Variants in PMS1 observed in about 807,000 individuals in gnomAD.
The protein encoded by PMS1 is PMS1 protein homolog 1.
In PMS1, 79 loss-of-function variants were observed where a neutral mutation model predicts 93.1. That is an observed-to-expected ratio of 0.85 (90% confidence interval 0.71 to 1.02). The LOEUF (loss-of-function observed/expected upper bound fraction) is 1.02, where lower values mean the gene tolerates loss of function less well. Among genes scored for constraint, PMS1 ranks in the 50% least tolerant of loss-of-function variants. The pLI, the probability that PMS1 is intolerant of heterozygous loss-of-function variation, is 0.00. For synonymous variants in PMS1, 335 were observed against 363.4 expected, an observed-to-expected ratio of 0.92 and a Z score of 0.89; for missense variants, 1,064 against 1,085.3, an observed-to-expected ratio of 0.98 and a Z score of 0.28.
At chr2:189,787,784 T>C (rs746314062) in intron 1 of PMS1, among the ~76,000 whole-genome samples, 28 of 152,206 alleles carry the variant, frequency 1.8e-4, no homozygotes, top group Non-Finnish European at 3.7e-4. Flanking sequence ...AATTAAACTT[T>C]CTAAAACTCA....
rs1057463507 is a variant in PMS1 at position 189,791,945 on chromosome 2, A to C, written c.132+4A>C. ...CACAAGCGTAGATGTTAAACTGGTG[A>C]GTGTCCTTGAGAACCCAAATACCTT... On this transcript the variant is annotated splice_donor_region_variant and intron_variant, in intron 2 of 12. Transcript: ENST00000441310. The C allele has an allele frequency of 1.7e-5, 27 of 1,613,684 alleles. No homozygotes were observed. Among genetic ancestry groups the C allele is most frequent in the Non-Finnish European group, 2.3e-5 (27 of 1,179,622 alleles).
intron 3 of PMS1, among the ~76,000 whole-genome samples, chr2:189,797,884 C>T (rs1025810658): frequency 6.6e-6 from 1 of 152,150 alleles, no homozygotes; most frequent in Non-Finnish European, 1.5e-5. Flanking sequence ...GGCTAGGATT[C>T]CAGCTCAGTA....
At chr2:189,844,215 G>C in intron 6 of PMS1, 135 bp downstream of exon 6, 1 of 1,418,206 alleles carries the variant, frequency 7.1e-7, no homozygotes, top group Non-Finnish European at 9.5e-7. Flanking sequence ...AGGTAAAACA[G>C]TCAATACAGA....
intron 4 of PMS1, chr2:189,806,034 TTACCAGTGTCATCTTCA>T: frequency 1.1e-6 from 1 of 902,846 alleles, no homozygotes; most frequent in Non-Finnish European, 1.6e-6. Flanking sequence ...CAGTGCTGGA[TTACCAGTGTCATCTTCA>T]TATATGAAGA....
At chr2:189,867,355 A>C (rs1369005562) in intron 10 of PMS1, among the ~76,000 whole-genome samples, 2 of 152,208 alleles carry the variant, frequency 1.3e-5, no homozygotes, top group Admixed American at 6.5e-5. Context: ...CCCAAGCTCT[A>C]AATTGATTAA....
At chr2:189,859,626 T>C (rs1340854428) in intron 9 of PMS1, among the ~76,000 whole-genome samples, 2 of 152,198 alleles carry the variant, frequency 1.3e-5, no homozygotes, top group African/African-American at 4.8e-5. Context: ...GTTTCATTTT[T>C]CTCATATTGT....
At position 189,864,245 on chromosome 2, in the gene PMS1, C is replaced by CTT. The variant is rs2056339642; in HGVS notation, c.2342+21_2342+22dup. On this transcript the variant is annotated intron_variant, in intron 10 of 12. Transcript: ENST00000441310. ...AACAGAGAGGTATGATGATACAATA[C>CTT]TTTTTAAGAGTAAAAATATTTATTA... 7.8e-6 allele frequency: 12 copies of CTT among 1,529,666 alleles called. No homozygotes were observed. The highest frequency in any genetic ancestry group is 1.7e-5 in the Admixed American group (1 of 59,738). The allele number at this position is 1,529,666 out of a possible 1,614,324, so 94.8% of individuals were successfully genotyped here.
At chr2:189,792,152 C>T (rs147651707) in intron 2 of PMS1, among the ~76,000 whole-genome samples, 19 of 152,072 alleles carry the variant, frequency 1.2e-4, no homozygotes, top group Middle Eastern at 3.4e-3. Flanking sequence ...TAAAAGAAAA[C>T]ATGTTCTTTA....
Position 189,864,264 on chromosome 2 carries a change from T to C in PMS1, c.2342+36T>C, listed in dbSNP as rs765811617. 5.8e-6 allele frequency: 8 copies of C among 1,370,592 alleles called. 1 individual carries two copies. The South Asian group carries it at 9.4e-5, about 16-fold the overall frequency. 84.9% of individuals were successfully genotyped at this position (1,370,592 alleles called of 1,614,324 possible). A position where few individuals can be genotyped will look rare whatever the true frequency, so the allele number is the denominator to read the frequency against. On this transcript the variant is annotated intron_variant, in intron 10 of 12. Transcript: ENST00000441310. ...ACAATACTTTTTAAGAGTAAAAATA[T>C]TTATTATAATAGTTCATACTAGATT...
chr2:189,841,645 T>C (rs2053829276), intron 5 of PMS1, among the ~76,000 whole-genome samples: 1 of 151,978 alleles, frequency 6.6e-6, no homozygotes, highest in Non-Finnish European at 1.5e-5. Flanking sequence ...TTCCTGGTTA[T>C]GGTTAAGGAG....
chr2:189,854,011 A>G lies in PMS1; in HGVS notation c.895A>G (p.Ile299Val), dbSNP rs752879186. Residue 299 changes from isoleucine to valine, a missense_variant, in exon 8 of 13, where the codon ATC becomes GTC. By Grantham distance (29) the Ile-to-Val change is conservative. Transcript: ENST00000441310. ...TTTGTATCCTGTTTTCTTTCTGAAA[A>G]TCGATGTTCCTACAGCTGATGTTGA... ...TRLYPVFFLK[I>V]DVPTADVDVN... 41 of 1,608,792 alleles carry G rather than the reference A, an allele frequency of 2.5e-5. No homozygotes were observed. The Admixed American group carries it at 6.7e-4, about 26-fold the overall frequency.
chr2:189,833,204 G>T (rs1413209964), intron 5 of PMS1, among the ~76,000 whole-genome samples: 1 of 152,166 alleles, frequency 6.6e-6, no homozygotes, highest in Non-Finnish European at 1.5e-5. Context: ...TCTCGTAGTT[G>T]CAGTGACCTA....
At chr2:189,845,555 A>G (rs772345070) in intron 6 of PMS1, among the ~76,000 whole-genome samples, 1 of 151,988 alleles carries the variant, frequency 6.6e-6, no homozygotes, top group Non-Finnish European at 1.5e-5. Context: ...TTGGTAATCC[A>G]GTTCATTACG....
At chr2:189,815,096 C>CAAAA (rs529543530) in intron 4 of PMS1, among the ~76,000 whole-genome samples, 1 of 61,576 alleles carries the variant, frequency 1.6e-5, no homozygotes, top group Non-Finnish European at 3.4e-5. Flanking sequence ...GACTCCATCT[C>CAAAA]AAAAAAAAAA....
chr2:189,852,791 G>GAAA lies in PMS1; in HGVS notation c.822+22_822+24dup. On this transcript the variant is annotated intron_variant, in intron 7 of 12. Transcript: ENST00000441310. Reference sequence around the variant, plus strand: ...GATATCTTAAAGGTAGTATGCTTTAGAAAAAAAAAATTATTTGAATTGGAA... The same window carrying GAAA: ...GATATCTTAAAGGTAGTATGCTTTAGAAAAAAAAAAAAATTATTTGAATTGGAA... 1.4e-6 allele frequency: 2 copies of GAAA among 1,460,108 alleles called. No individual in the cohort carries two copies. The highest frequency in any genetic ancestry group is 1.9e-6 in the Non-Finnish European group (2 of 1,061,500). The allele number at this position is 1,460,108 out of a possible 1,614,324, so 90.4% of individuals were successfully genotyped here. A position where few individuals can be genotyped will look rare whatever the true frequency, so the allele number is the denominator to read the frequency against.
At chr2:189,862,916 G>C (rs1322251512) in intron 9 of PMS1, among the ~76,000 whole-genome samples, 2 of 152,004 alleles carry the variant, frequency 1.3e-5, no homozygotes, top group African/African-American at 2.4e-5. Context: ...GTTTTTCTTT[G>C]GGTTCCCACA....
rs201324347 is a variant in PMS1, at chr2:189,867,814, T to C, written c.2358T>C (p.Ser786=). 3.7e-5 allele frequency: 59 copies of C among 1,574,862 alleles called. 1 individual carries two copies. In the East Asian group the frequency reaches 1.2e-3, roughly 33 times the overall value. The part of the protein sequence containing the change: ...IMLTESLFNG[S]HYLDVLYKMT... ...TCTTTTTCAGTCTTTTTAATGGATCTCATTATTTAGACGTTTTATATAAAA... is the reference window on the plus strand; with the variant it reads ...TCTTTTTCAGTCTTTTTAATGGATCCCATTATTTAGACGTTTTATATAAAA... The change falls in exon 11 of 13, where the codon TCT becomes TCC. Residue 786 remains serine, a synonymous_variant. Transcript: ENST00000441310.
chr2:189,871,690 C>T (rs908358125), intron 11 of PMS1, among the ~76,000 whole-genome samples: 3 of 152,234 alleles, frequency 2.0e-5, no homozygotes, highest in Non-Finnish European at 4.4e-5. Flanking sequence ...TCCAAAACCA[C>T]TTCTACATCT....
chr2:189,859,579 G>T (rs541783458), intron 9 of PMS1, among the ~76,000 whole-genome samples: 9 of 152,252 alleles, frequency 5.9e-5, no homozygotes, highest in African/African-American at 1.9e-4. Flanking sequence ...AAGAAAAGGG[G>T]TGACATAACC....
Sources: gnomAD v4.1 joint callset for allele counts (sites outside exome capture counted in the v4.1 genomes callset) on GRCh38, gnomAD v4.1.1 for gene constraint, MANE v1.5 for transcripts, NCBI Gene and HGNC (gene_info 2026-07-23, HGNC 2026-07-21) for gene names.